METTL15: variants seen among roughly 807,000 people sequenced by gnomAD.
METTL15 encodes the protein 12S rRNA N(4)-cytidine methyltransferase METTL15.
METTL15 carries 34 observed loss-of-function variants against 38.3 expected under a neutral mutation model. The ratio of observed to expected loss-of-function variants is 0.89; its 90% CI spans 0.68 to 1.18. The LOEUF (loss-of-function observed/expected upper bound fraction) is 1.18, where lower values mean the gene tolerates loss of function less well. Among genes scored for constraint, METTL15 ranks in the 50% most tolerant of loss-of-function variants. The pLI, the probability that METTL15 is intolerant of heterozygous loss-of-function variation, is 0.00. For missense variants in METTL15, 438 were observed against 498.4 expected, an observed-to-expected ratio of 0.88 and a Z score of 1.15; for synonymous variants, 162 against 170.9, an observed-to-expected ratio of 0.95 and a Z score of 0.41.
At chr11:28,469,243 T>C (rs574112874) in intron 6 of METTL15, among the ~76,000 whole-genome samples, 1 of 70,860 alleles carries the variant, frequency 1.4e-5, no homozygotes, top group African/African-American at 5.5e-5. Context: ...CATATTTGTG[T>C]CACTTCTGAT....
intron 5 of METTL15, among the ~76,000 whole-genome samples, chr11:28,294,508 AG>A (rs1197884795): frequency 6.6e-6 from 1 of 152,172 alleles, no homozygotes; most frequent in African/African-American, 2.4e-5. Context: ...GATTATAGTA[AG>A]GTTTCTCATG....
At chr11:28,379,160 A>T (rs1239278092) in intron 5 of METTL15, among the ~76,000 whole-genome samples, 1 of 149,828 alleles carries the variant, frequency 6.7e-6, no homozygotes, top group African/African-American at 2.5e-5. Flanking sequence ...TCAGAAAACC[A>T]CCTTTAATTT....
the METTL15 span, among the ~76,000 whole-genome samples, chr11:28,532,131 A>T: frequency 1.3e-5 from 2 of 152,122 alleles, no homozygotes; most frequent in Non-Finnish European, 2.9e-5. Flanking sequence ...CATTTGTTGG[A>T]TGAAACCATC....
At chr11:28,108,727 G>A (rs533682104) in intron 1 of METTL15, among the ~76,000 whole-genome samples, 1 of 152,276 alleles carries the variant, frequency 6.6e-6, no homozygotes, top group Admixed American at 6.5e-5. Flanking sequence ...AGTACTGACC[G>A]TGAAACTATT....
chr11:28,394,484 G>C (rs1042258514), intron 5 of METTL15, among the ~76,000 whole-genome samples: 3 of 152,008 alleles, frequency 2.0e-5, no homozygotes, highest in Admixed American at 2.0e-4. Flanking sequence ...CTCACAAGGA[G>C]GGGGGTGGAA....
intron 3 of METTL15, chr11:28,122,015 A>G: frequency 2.0e-6 from 1 of 495,532 alleles, no homozygotes; most frequent in Non-Finnish European, 2.8e-6. Context: ...GAATTCTTAT[A>G]TTTGATCATT....
rs139553803 is a variant in METTL15, at chr11:28,507,752, G to T, written c.*425-18726G>T. On this transcript the variant is annotated intron_variant and NMD_transcript_variant, in intron 6 of 7. Coordinates refer to the METTL15 transcript ENST00000532947. ...TGTTTTCTTCATATCTAATCAATTG[G>T]TCCTGTTATTTTCTTCTCTAACCAC... 1.2e-4 allele frequency among the ~76,000 whole-genome samples: 18 copies of T among 152,006 alleles called. No individual in the cohort carries two copies. In the East Asian group the frequency reaches 3.1e-3, roughly 26 times the overall value.
rs146637207 is a variant in METTL15, at chr11:28,420,663, G to C, written c.*359-3636G>C. On this transcript the variant is annotated intron_variant and NMD_transcript_variant, in intron 5 of 7. Coordinates refer to the METTL15 transcript ENST00000532947. The stretch of plus-strand genomic sequence containing the variant: ...TAATAAGAAAACTGAAAATTTATTT[G>C]AAACAAATCATAATGGAAACACAAC... Among the ~76,000 whole-genome samples the C allele has an allele frequency of 2.6e-3, 390 of 152,118 alleles. 1 individual carries two copies. Among genetic ancestry groups the C allele is most frequent in the African/African-American group, 7.4e-3 (309 of 41,536 alleles).
chr11:28,390,420 G>A (rs979528436), intron 5 of METTL15, among the ~76,000 whole-genome samples: 51 of 152,082 alleles, frequency 3.4e-4, no homozygotes, highest in African/African-American at 1.2e-3. Flanking sequence ...GTGTAAGGAA[G>A]GGATCCAGTT....
At chr11:28,367,885 C>A (rs553370233) in intron 5 of METTL15, among the ~76,000 whole-genome samples, 1 of 152,096 alleles carries the variant, frequency 6.6e-6, no homozygotes, top group African/African-American at 2.4e-5. Flanking sequence ...GGAAAACTGG[C>A]TAGCCATATG....
chr11:28,462,291 G>A (rs1359174231), intron 6 of METTL15, among the ~76,000 whole-genome samples: 1 of 152,128 alleles, frequency 6.6e-6, no homozygotes, highest in Non-Finnish European at 1.5e-5. Context: ...GAATGGAAGT[G>A]TAGGACATGC....
chr11:28,305,065 T>C (rs1014690051), intron 6 of METTL15, among the ~76,000 whole-genome samples: 5 of 152,204 alleles, frequency 3.3e-5, no homozygotes, highest in Non-Finnish European at 1.5e-5. Context: ...CTCAATCTAT[T>C]ACACACTGTA....
chr11:28,444,218 A>T (rs968074666), intron 6 of METTL15, among the ~76,000 whole-genome samples: 1 of 152,146 alleles, frequency 6.6e-6, no homozygotes, highest in African/African-American at 2.4e-5. Context: ...CATAGCCAGG[A>T]ATTGCTTGGT....
intron 3 of METTL15, among the ~76,000 whole-genome samples, chr11:28,204,136 C>G (rs981868124): frequency 3.3e-5 from 5 of 152,060 alleles, no homozygotes; most frequent in Non-Finnish European, 7.4e-5. Flanking sequence ...CTGTTTTGCA[C>G]TGATGCTGCC....
At chr11:28,439,821 G>A (rs1318140408) in intron 6 of METTL15, among the ~76,000 whole-genome samples, 2 of 152,210 alleles carry the variant, frequency 1.3e-5, no homozygotes, top group Non-Finnish European at 2.9e-5. Context: ...AATTGGAGGA[G>A]ATGCCTTGGG....
intron 4 of METTL15, among the ~76,000 whole-genome samples, chr11:28,275,797 C>T (rs1047616929): frequency 4.6e-5 from 7 of 152,012 alleles, no homozygotes; most frequent in Non-Finnish European, 1.0e-4. Context: ...TCCACATACA[C>T]TAATCAATAA....
At chr11:28,181,916 T>G (rs184870776) in intron 3 of METTL15, among the ~76,000 whole-genome samples, 1 of 151,974 alleles carries the variant, frequency 6.6e-6, no homozygotes, top group Non-Finnish European at 1.5e-5. Flanking sequence ...CTCTCCAGCA[T>G]CTGTTGTTTC....
intron 6 of METTL15, among the ~76,000 whole-genome samples, chr11:28,474,078 G>T (rs760855573): frequency 1.3e-5 from 2 of 151,644 alleles, no homozygotes; most frequent in African/African-American, 4.8e-5. Context: ...GCCTCATCTT[G>T]TACATGGAGA....
At chr11:28,153,963 A>AT (rs1278121821) in intron 3 of METTL15, among the ~76,000 whole-genome samples, 1 of 152,134 alleles carries the variant, frequency 6.6e-6, no homozygotes, top group Non-Finnish European at 1.5e-5. Context: ...TAATCTCTAT[A>AT]AATTGACTCA....
Sources: gnomAD v4.1 joint callset for allele counts (sites outside exome capture counted in the v4.1 genomes callset) on GRCh38, gnomAD v4.1.1 for gene constraint, MANE v1.5 for transcripts, NCBI Gene and HGNC (gene_info 2026-07-23, HGNC 2026-07-21) for gene names.